Variants in KLK7 observed in about 807,000 individuals in gnomAD.
The protein encoded by KLK7 is kallikrein-7.
A neutral mutation model predicts 21.0 loss-of-function variants in KLK7; 17 were observed. The ratio of observed to expected loss-of-function variants is 0.81; its 90% CI spans 0.55 to 1.21. The LOEUF (loss-of-function observed/expected upper bound fraction) is 1.21. KLK7 is among the 50% of genes most tolerant of loss of function. The pLI, the probability that KLK7 is intolerant of heterozygous loss-of-function variation, is 0.00. For missense variants in KLK7, 330 were observed against 322.8 expected (o/e 1.02, Z -0.17); for synonymous variants, 151 against 134.6 (o/e 1.12, Z -0.85).
intron 2 of KLK7, 178 bp downstream of exon 2, chr19:50,982,149 G>T: frequency 1.1e-6 from 1 of 906,326 alleles, no homozygotes; most frequent in African/African-American, 1.7e-5. Context: ...GGCAGGGCCT[G>T]GAGGGGACAG....
intron 1 of KLK7, among the ~76,000 whole-genome samples, chr19:50,982,749 C>T (rs1186341091): frequency 2.0e-5 from 3 of 151,358 alleles, no homozygotes; most frequent in Non-Finnish European, 4.4e-5. Flanking sequence ...TAGCACCTTC[C>T]TCCCTCAGAC....
chr19:50,978,975 G>A (rs1169813890), intron 5 of KLK7, among the ~76,000 whole-genome samples: 1 of 151,728 alleles, frequency 6.6e-6, no homozygotes, highest in African/African-American at 2.4e-5. Flanking sequence ...GCAGAGAGGA[G>A]GGCATGGAGA....
Position 50,980,439 on chromosome 19 carries a change from AG to A in KLK7, c.269del (p.Ala90ValfsTer27). On this transcript the variant is annotated frameshift_variant, in exon 4 of 6. Coordinates refer to ENST00000595820, the MANE Select transcript of KLK7 (RefSeq NM_005046.4). LOFTEE classifies it high-confidence loss of function. ...LGSDTLGDRR[A>X]QRIKASKSFR... ...ATGACTTCGAGGCCTTGATCCTCTG[AG>A]CTCTCCTGTCGCCCAGCGTATCACT... is the stretch of plus-strand genomic sequence containing the variant. The A allele has an allele frequency of 6.2e-7, 1 of 1,613,944 alleles. No individual in the cohort carries two copies. The highest frequency in any genetic ancestry group is 8.5e-7 in the Non-Finnish European group (1 of 1,179,946).
rs2091092454 is a variant in KLK7 at position 50,981,928 on chromosome 19, TG to T, written c.74-15del. 1 of 1,611,842 alleles carries T rather than the reference TG, an allele frequency of 6.2e-7. No homozygotes were observed. Among genetic ancestry groups the T allele is most frequent in the African/African-American group, 1.3e-5 (1 of 74,862 alleles). On this transcript the variant is annotated splice_polypyrimidine_tract_variant and intron_variant, in intron 2 of 5. Transcript: ENST00000595820. The stretch of plus-strand genomic sequence containing the variant: ...TGTCACCCTGGGCTGGATGGAGACA[TG>T]GAGGAGCACGTGGGTAGCTAGCATT...
intron 5 of KLK7, 116 bp downstream of exon 5, chr19:50,979,672 G>A: frequency 9.7e-7 from 1 of 1,035,720 alleles, no homozygotes; most frequent in East Asian, 2.6e-5. Context: ...AGGAGGCCAG[G>A]CCTGGGGGGA....
chr19:50,978,034 C>T (rs539845295), intron 5 of KLK7, among the ~76,000 whole-genome samples: 119 of 152,102 alleles, frequency 7.8e-4, no homozygotes, highest in Non-Finnish European at 1.1e-3. Flanking sequence ...TGCCCTGTGG[C>T]GCAGGAAAGG....
chr19:50,981,988 C>A, intron 2 of KLK7, 74 bp from the exon 3 acceptor site: 1 of 1,463,294 alleles, frequency 6.8e-7, no homozygotes, highest in South Asian at 1.2e-5. Context: ...CAGGGATTCC[C>A]AGAGTCAGAG....
intron 1 of KLK7, 125 bp from the exon 2 acceptor site, chr19:50,982,582 TCCAGGCCCCAGCCCCTCCTCCCTCAGAC>T: frequency 3.3e-6 from 2 of 600,528 alleles, no homozygotes; most frequent in Admixed American, 4.5e-5. Context: ...GACCCAGGGG[TCCAGGCCCCAGCCCCTCCTCCCTCAGAC>T]CTAGGGGTCC....
At chr19:50,979,948 TGTCA>T (rs1234180082) in intron 4 of KLK7, 24 bp from the exon 5 acceptor site, 5 of 1,585,814 alleles carry the variant, frequency 3.2e-6, no homozygotes, top group South Asian at 2.3e-5. Flanking sequence ...CAGGGAGAGC[TGTCA>T]GTCAGAGAGG....
chr19:50,977,317 G>A lies in KLK7; in HGVS notation c.*219C>T. The A allele has an allele frequency of 1.8e-6, 1 of 554,380 alleles. No individual in the cohort carries two copies. Among genetic ancestry groups the A allele is most frequent in the Admixed American group, 3.2e-5 (1 of 31,738 alleles). 34.3% of individuals were successfully genotyped at this position (554,380 alleles called of 1,614,324 possible). On this transcript the variant is annotated 3_prime_UTR_variant, in exon 6 of 6. Coordinates refer to ENST00000595820, the MANE Select transcript of KLK7 (RefSeq NM_005046.4). ...CCAGTTCCAGTGTTTGAGAGTGCTG[G>A]TCTCACTGACTCTTCTCCAGCACTG...
At position 50,980,451 on chromosome 19, in the gene KLK7, G is replaced by A. The variant is rs148212085; in HGVS notation, c.258C>T (p.Gly86=). ...CCTTGATCCTCTGAGCTCTCCTGTC[G>A]CCCAGCGTATCACTGCCCAGGTGCA... The part of the protein sequence containing the change: ...YTVHLGSDTL[G]DRRAQRIKAS... The change falls in exon 4 of 6, where the codon GGC becomes GGT. Residue 86 remains glycine, a synonymous_variant. Coordinates refer to ENST00000595820, the MANE Select transcript of KLK7 (RefSeq NM_005046.4). The A allele has an allele frequency of 2.0e-5, 33 of 1,613,824 alleles. No individual in the cohort carries two copies. The highest frequency in any genetic ancestry group is 4.0e-5 in the African/African-American group (3 of 74,854).
chr19:50,977,795 T>TCCACCA, intron 5 of KLK7, 104 bp from the exon 6 acceptor site: 1 of 1,167,166 alleles, frequency 8.6e-7, no homozygotes, highest in Admixed American at 2.1e-5. Flanking sequence ...ATTATGGACT[T>TCCACCA]CCACCATAGC....
intron 5 of KLK7, among the ~76,000 whole-genome samples, chr19:50,978,739 G>C (rs1236997234): frequency 6.7e-6 from 1 of 148,564 alleles, no homozygotes; most frequent in Non-Finnish European, 1.5e-5. Context: ...GCAGGGAGAG[G>C]AGAGAGATAG....
rs928350149 is a variant in KLK7, at chr19:50,978,677, G to A, written c.607-986C>T. ...GGGTGGGGAGAGGAGAGAGAGACTGGAAGAGAGGAGGAGAATAAAGAGAGA... is the reference window on the plus strand; with the variant it reads ...GGGTGGGGAGAGGAGAGAGAGACTGAAAGAGAGGAGGAGAATAAAGAGAGA... On this transcript the variant is annotated intron_variant, in intron 5 of 5. Coordinates refer to ENST00000595820, the MANE Select transcript of KLK7 (RefSeq NM_005046.4). Among the ~76,000 whole-genome samples the A allele has an allele frequency of 5.7e-4, 84 of 147,178 alleles. 1 individual carries two copies. The highest frequency in any genetic ancestry group is 9.6e-4 in the Non-Finnish European group (64 of 66,728).
intron 2 of KLK7, 21 bp from the exon 3 acceptor site, chr19:50,981,935 G>A: frequency 1.2e-6 from 2 of 1,611,646 alleles, no homozygotes; most frequent in Non-Finnish European, 1.7e-6. Flanking sequence ...ACATGGAGGA[G>A]CACGTGGGTA....
At chr19:50,981,628 G>A in intron 3 of KLK7, 139 bp downstream of exon 3, 2 of 754,882 alleles carry the variant, frequency 2.6e-6, no homozygotes, top group South Asian at 1.9e-5. Flanking sequence ...GGGAGAGGGG[G>A]TACAGAGGCC....
upstream of KLK7, chr19:50,983,930 G>A (rs2091111142): frequency 7.8e-7 from 1 of 1,288,614 alleles, no homozygotes; most frequent in South Asian, 1.2e-5. Flanking sequence ...CCCTCTGCTG[G>A]GCCGTCCTCT....
intron 1 of KLK7, 172 bp downstream of exon 1, chr19:50,983,679 G>T: frequency 1.0e-6 from 1 of 960,974 alleles, no homozygotes; most frequent in East Asian, 6.2e-5. Flanking sequence ...CCAAACTTCT[G>T]ACTCTGTAGT....
At chr19:50,978,719 T>A (rs1192219223) in intron 5 of KLK7, among the ~76,000 whole-genome samples, 1 of 103,388 alleles carries the variant, frequency 9.7e-6, no homozygotes, top group African/African-American at 4.0e-5. Flanking sequence ...AAGACAGAGA[T>A]GGGGGAGCGG....
Sources: gnomAD v4.1 joint callset for allele counts (sites outside exome capture counted in the v4.1 genomes callset) on GRCh38, gnomAD v4.1.1 for gene constraint, MANE v1.5 for transcripts, NCBI Gene and HGNC (gene_info 2026-07-23, HGNC 2026-07-21) for gene names.